Variants in LRRC7 observed in about 807,000 individuals in gnomAD.
LRRC7 encodes leucine rich repeat containing 7, also known as leucine-rich repeat-containing protein 7.
In LRRC7, 23 loss-of-function variants were observed where a neutral mutation model predicts 175.7. That is an observed-to-expected ratio of 0.13 (90% CI 0.09 to 0.19). The LOEUF (loss-of-function observed/expected upper bound fraction) is 0.19. Among genes scored for constraint, LRRC7 ranks in the 10% least tolerant of loss-of-function variants. The probability of loss-of-function intolerance (pLI) is 1.00; values close to 1 mark genes in which losing one functional copy is unlikely to be tolerated. For synonymous variants in LRRC7, 685 were observed against 680.9 expected, an observed-to-expected ratio of 1.01 and a Z score of -0.09; for missense variants, 1,354 against 1,904.7, an observed-to-expected ratio of 0.71 and a Z score of 5.38.
intron 7 of LRRC7, among the ~76,000 whole-genome samples, chr1:69,880,412 C>G (rs12039507): frequency 0.55 from 84,185 of 151,910 alleles, 23,412 homozygotes; most frequent in East Asian, 0.7. Context: ...AGGAAAGAGA[C>G]TTCTTTGGGT....
At chr1:69,679,753 C>T (rs1660240838) in intron 2 of LRRC7, among the ~76,000 whole-genome samples, 1 of 152,014 alleles carries the variant, frequency 6.6e-6, no homozygotes, top group Non-Finnish European at 1.5e-5. Flanking sequence ...TTAAATAAAA[C>T]TTAAAAGGGA....
intron 2 of LRRC7, among the ~76,000 whole-genome samples, chr1:69,752,583 G>T (rs963209639): frequency 1.3e-5 from 2 of 152,132 alleles, no homozygotes; most frequent in Non-Finnish European, 2.9e-5. Flanking sequence ...AGTAGGGAAG[G>T]ATTTGAAGAA....
At chr1:70,053,843 T>C (rs757007258) in intron 23 of LRRC7, among the ~76,000 whole-genome samples, 33 of 152,150 alleles carry the variant, frequency 2.2e-4, no homozygotes, top group Non-Finnish European at 2.8e-4. Context: ...TTTTTTAAAC[T>C]GGTAAAATAC....
chr1:69,722,023 G>T (rs1666411922), intron 2 of LRRC7, among the ~76,000 whole-genome samples: 1 of 151,806 alleles, frequency 6.6e-6, no homozygotes, highest in African/African-American at 2.4e-5. Context: ...ACTGAAAATA[G>T]TCTCTCCCAA....
intron 8 of LRRC7, among the ~76,000 whole-genome samples, chr1:69,944,833 G>T (rs1649136298): frequency 6.6e-6 from 1 of 151,538 alleles, no homozygotes; most frequent in African/African-American, 2.4e-5. Flanking sequence ...GACTCTTAAG[G>T]TTCCTTTCTG....
At chr1:69,605,329 C>A (rs1647354486) in intron 1 of LRRC7, among the ~76,000 whole-genome samples, 1 of 152,064 alleles carries the variant, frequency 6.6e-6, no homozygotes, top group Admixed American at 6.6e-5. Context: ...AACTGTGGGT[C>A]CATAAAACCT....
At chr1:69,815,318 T>C (rs1413367009) in intron 4 of LRRC7, among the ~76,000 whole-genome samples, 3 of 152,162 alleles carry the variant, frequency 2.0e-5, no homozygotes, top group African/African-American at 7.2e-5. Context: ...GAAAATATCT[T>C]TTAAAAAAAT....
At chr1:69,876,615 C>T in intron 7 of LRRC7, among the ~76,000 whole-genome samples, 1 of 152,182 alleles carries the variant, frequency 6.6e-6, no homozygotes, top group African/African-American at 2.4e-5. Flanking sequence ...CCAACCCTCA[C>T]ACACGTACAA....
At chr1:69,838,521 T>C (rs1681368578) in intron 7 of LRRC7, among the ~76,000 whole-genome samples, 1 of 151,926 alleles carries the variant, frequency 6.6e-6, no homozygotes, top group Non-Finnish European at 1.5e-5. Context: ...TTTCTTCTCA[T>C]GGCTGAAGAT....
At chr1:70,070,825 C>T (rs2102114048) in intron 23 of LRRC7, among the ~76,000 whole-genome samples, 1 of 152,254 alleles carries the variant, frequency 6.6e-6, no homozygotes, top group South Asian at 2.1e-4. Flanking sequence ...CTGACACCAC[C>T]TCGTTAGTAA....
intron 7 of LRRC7, among the ~76,000 whole-genome samples, chr1:69,855,725 G>C (rs1368223206): frequency 6.6e-6 from 1 of 152,052 alleles, no homozygotes; most frequent in Non-Finnish European, 1.5e-5. Context: ...TGACAGTGGG[G>C]TGTTAAAGTC....
rs1230644733 is a variant in LRRC7, at chr1:70,039,294, T to C, written c.3470T>C (p.Leu1157Pro). The part of the protein sequence containing the change: ...RAGFLRRADS[L>P]VSATEMAMFR... Reference sequence around the variant, plus strand: ...GGCTTCCTGAGAAGGGCCGACTCCCTGGTGAGCGCCACAGAAATGGCCATG... The same window carrying C: ...GGCTTCCTGAGAAGGGCCGACTCCCCGGTGAGCGCCACAGAAATGGCCATG... The change falls in exon 21 of 27, where the codon CTG becomes CCG. Residue 1157 changes from leucine (L) to proline (P), a missense_variant. Around this residue, in one of 4 missense-constraint regions of LRRC7, gnomAD observed 1,032 missense variants for 1,227.2 expected, o/e 0.84. Coordinates refer to ENST00000651989, the MANE Select transcript of LRRC7 (RefSeq NM_001370785.2). 1 of 1,614,040 alleles carries C rather than the reference T, an allele frequency of 6.2e-7. No individual in the cohort carries two copies.
At chr1:69,861,220 G>T (rs1013524266) in intron 7 of LRRC7, among the ~76,000 whole-genome samples, 2 of 152,170 alleles carry the variant, frequency 1.3e-5, no homozygotes, top group Admixed American at 1.3e-4. Context: ...TACTTCAATT[G>T]CTATTGGCAA....
chr1:69,606,341 A>G lies in LRRC7; in HGVS notation c.2+37700A>G, dbSNP rs561022236. Among the ~76,000 whole-genome samples, 9 of 152,248 alleles carry G rather than the reference A, an allele frequency of 5.9e-5. No individual in the cohort carries two copies. In the South Asian group the frequency reaches 1.5e-3, roughly 25 times the overall value. On this transcript the variant is annotated intron_variant, in intron 1 of 26. Coordinates refer to ENST00000651989, the MANE Select transcript of LRRC7 (RefSeq NM_001370785.2). ...TGTCTGAGAAATATAACAATGGTAT[A>G]AGGGATTCACAAGCAACTTAGGATG... is the stretch of plus-strand genomic sequence containing the variant.
chr1:69,955,645 T>C (rs554720778), intron 8 of LRRC7, among the ~76,000 whole-genome samples: 14 of 152,008 alleles, frequency 9.2e-5, no homozygotes, highest in Non-Finnish European at 2.1e-4. Flanking sequence ...GTTGATAAAA[T>C]TGGTATGTTT....
chr1:69,739,755 ACGAAGT>A (rs1485333116), intron 2 of LRRC7, among the ~76,000 whole-genome samples: 1 of 152,122 alleles, frequency 6.6e-6, no homozygotes, highest in Non-Finnish European at 1.5e-5. Flanking sequence ...TACTGAAGAT[ACGAAGT>A]CGTATTTTGC....
intron 8 of LRRC7, among the ~76,000 whole-genome samples, chr1:69,976,511 A>G (rs1021313865): frequency 2.6e-5 from 4 of 152,224 alleles, no homozygotes; most frequent in Non-Finnish European, 4.4e-5. Context: ...CAAGATCAAT[A>G]CTTTGCATCT....
chr1:69,920,735 C>T (rs1200292934), intron 7 of LRRC7, among the ~76,000 whole-genome samples: 2 of 152,128 alleles, frequency 1.3e-5, no homozygotes, highest in Non-Finnish European at 2.9e-5. Flanking sequence ...TACATGTTGC[C>T]TAGAACTATA....
At chr1:69,742,420 C>A (rs1557671661) in intron 2 of LRRC7, among the ~76,000 whole-genome samples, 1 of 151,606 alleles carries the variant, frequency 6.6e-6, no homozygotes, top group Non-Finnish European at 1.5e-5. Context: ...TAGTGGCAAA[C>A]ATTTTATGAG....
Sources: allele counts gnomAD v4.1 joint callset (sites outside exome capture counted in the v4.1 genomes callset), GRCh38; gene constraint gnomAD v4.1.1; regional missense constraint gnomAD v4.1.1; transcripts MANE v1.5; gene names NCBI Gene and HGNC (gene_info 2026-07-23, HGNC 2026-07-21).